The following WDFY4 variants were observed in gnomAD, a reference collection of about 807,000 sequenced individuals.
WDFY4 encodes the protein WD repeat- and FYVE domain-containing protein 4.
A neutral mutation model predicts 351.9 loss-of-function variants in WDFY4; 169 were observed. The ratio of observed to expected loss-of-function variants is 0.48; its 90% CI spans 0.42 to 0.55. WDFY4 has a LOEUF of 0.55. WDFY4 is among the 20% of genes least tolerant of loss of function. WDFY4 has a pLI of 0.00. For missense variants in WDFY4, 3,803 were observed against 3,935.6 expected (o/e 0.97, Z 0.90); for synonymous variants, 1,622 against 1,574.6 (o/e 1.03, Z -0.71).
At chr10:48,686,482 C>A (rs924430771) in intron 1 of WDFY4, among the ~76,000 whole-genome samples, 1 of 152,174 alleles carries the variant, frequency 6.6e-6, no homozygotes, top group Non-Finnish European at 1.5e-5. Context: ...CTTCCCTCTT[C>A]AGAAGCAGCA....
chr10:48,867,401 A>G, intron 40 of WDFY4, 59 bp downstream of exon 40: 1 of 1,191,586 alleles, frequency 8.4e-7, no homozygotes, highest in South Asian at 1.8e-5. Context: ...CTTGAACCTG[A>G]AAAATAATTG....
At chr10:48,742,832 A>C in intron 11 of WDFY4, 136 bp from the exon 12 acceptor site, 1 of 782,428 alleles carries the variant, frequency 1.3e-6, no homozygotes, top group Non-Finnish European at 2.0e-6. Flanking sequence ...AATGTTTCAG[A>C]GTGATCCTTC....
chr10:48,907,516 TTTA>T (rs1428708106), intron 47 of WDFY4, among the ~76,000 whole-genome samples: 1 of 152,328 alleles, frequency 6.6e-6, no homozygotes, highest in Admixed American at 6.5e-5. Context: ...ACATTTTCAG[TTTA>T]TTGTCTCCTT....
intron 39 of WDFY4, among the ~76,000 whole-genome samples, chr10:48,833,523 A>T (rs750667759): frequency 3.4e-4 from 51 of 152,182 alleles, no homozygotes; most frequent in Non-Finnish European, 6.0e-4. Context: ...CTCCATCAAG[A>T]TGGGGAAAAA....
At chr10:48,895,470 C>G (rs1220260089) in intron 44 of WDFY4, among the ~76,000 whole-genome samples, 8 of 152,208 alleles carry the variant, frequency 5.3e-5, no homozygotes, top group Non-Finnish European at 7.3e-5. Flanking sequence ...GGTTGGCACA[C>G]AGGCTTCTTG....
rs1316082280 is a variant in WDFY4 at position 48,803,320 on chromosome 10, G to A, written c.4445G>A (p.Ser1482Asn). ...AATACTGCAGACAATCTGGAGCTCA[G>A]CCTCTTTTCCCATCTTTTGGAAATC... ...WMNTADNLEL[S>N]LFSHLLEILQ... The change falls in exon 25 of 62, where the codon AGC becomes AAC. Residue 1482 changes from serine (S) to asparagine (N), a missense_variant. Around this residue, in one of 3 missense-constraint regions of WDFY4, gnomAD observed 3,054 missense variants for 3,148.6 expected, o/e 0.97. Transcript: ENST00000325239. The A allele has an allele frequency of 3.9e-6, 6 of 1,551,940 alleles. No individual in the cohort carries two copies. Among genetic ancestry groups the A allele is most frequent in the Admixed American group, 3.9e-5 (2 of 51,014 alleles).
chr10:48,913,355 T>C, intron 47 of WDFY4: 1 of 1,588,014 alleles, frequency 6.3e-7, no homozygotes, highest in Non-Finnish European at 8.6e-7. Context: ...CCTCCCTCTC[T>C]CTTTCCCTTC....
intron 60 of WDFY4, chr10:48,978,730 CG>C (rs1212849938): frequency 4.8e-6 from 1 of 207,986 alleles, no homozygotes; most frequent in East Asian, 1.0e-4. Flanking sequence ...GTCCAGTCCC[CG>C]CCCCCATCAT....
intron 32 of WDFY4, among the ~76,000 whole-genome samples, chr10:48,818,898 G>A (rs2067713407): frequency 6.6e-6 from 1 of 152,202 alleles, no homozygotes; most frequent in Non-Finnish European, 1.5e-5. Context: ...AGGCAGCCTG[G>A]CCAGGGAGAG....
Position 48,788,648 on chromosome 10 carries a change from G to A in WDFY4, c.3927G>A (p.Glu1309=), listed in dbSNP as rs1589613610. 1 of 1,551,702 alleles carries A rather than the reference G, an allele frequency of 6.4e-7. No individual in the cohort carries two copies. The highest frequency in any genetic ancestry group is 8.7e-7 in the Non-Finnish European group (1 of 1,146,974). ...SVADIRNAYN[E]VDSRLIAKEM... is the part of the protein sequence containing the mutation. ...CGGACATCAGAAATGCTTACAATGA[G>A]GTGGACAGCCGCCTGATCGCCAAAG... The change falls in exon 21 of 62, where the codon GAG becomes GAA. Residue 1309 remains glutamate, a synonymous_variant. Transcript: ENST00000325239.
intron 39 of WDFY4, among the ~76,000 whole-genome samples, chr10:48,840,562 C>G (rs1363971011): frequency 6.6e-6 from 1 of 152,018 alleles, no homozygotes; most frequent in African/African-American, 2.4e-5. Flanking sequence ...ATTGTGCAAG[C>G]AATTGACATT....
chr10:48,786,821 C>T lies in WDFY4; in HGVS notation c.3759C>T (p.Asn1253=). The T allele has an allele frequency of 6.4e-7, 1 of 1,552,240 alleles. No homozygotes were observed. The highest frequency in any genetic ancestry group is 8.7e-7 in the Non-Finnish European group (1 of 1,147,106). ...CAATGGAAACTCTGGAAGTTATTAA[C>T]AAACTTGGCCCAAGATATTGTGGTA... ...AISMETLEVI[N]KLGPRYCGNF... Residue 1253 remains asparagine (N), a synonymous_variant, in exon 20 of 62, where the codon AAC becomes AAT. Transcript: ENST00000325239.
rs537798650 is a variant in WDFY4, at chr10:48,951,637, C to T, written c.7977+4668C>T. ...ACAAAAACAAAGAAACAAAAAAAAG[C>T]ACACATTTTGTAAAGACGGGGTCTT... On this transcript the variant is annotated intron_variant, in intron 51 of 61. Transcript: ENST00000325239. 2.0e-5 allele frequency among the ~76,000 whole-genome samples: 3 copies of T among 152,262 alleles called. No homozygotes were observed. In the South Asian group the frequency reaches 6.2e-4, roughly 32 times the overall value.
chr10:48,969,500 A>G (rs1211573524), intron 56 of WDFY4, among the ~76,000 whole-genome samples: 1 of 152,150 alleles, frequency 6.6e-6, no homozygotes, highest in African/African-American at 2.4e-5. Flanking sequence ...GGCTAACTGG[A>G]CACATGGCCA....
intron 1 of WDFY4, among the ~76,000 whole-genome samples, chr10:48,700,539 A>G (rs1406557655): frequency 6.6e-6 from 1 of 152,248 alleles, no homozygotes; most frequent in Non-Finnish European, 1.5e-5. Flanking sequence ...AATCCCTCCA[A>G]TACAATGCCA....
chr10:48,863,194 A>G (rs149760845), intron 39 of WDFY4, among the ~76,000 whole-genome samples: 54 of 152,326 alleles, frequency 3.5e-4, no homozygotes, highest in Admixed American at 3.2e-3. Context: ...CACAATTTTT[A>G]TCTTGGGTGT....
chr10:48,970,412 A>C, intron 57 of WDFY4, 123 bp downstream of exon 57: 22 of 1,342,256 alleles, frequency 1.6e-5, no homozygotes, highest in Non-Finnish European at 2.2e-5. Context: ...AACTCTGCTC[A>C]CTGAGGGCCC....
rs139009229 is a variant in WDFY4 at position 48,977,081 on chromosome 10, G to T, written c.9291+102G>T. ...GGCCAAACCTGCAGGTTGCATTTGA[G>T]ACCATTCCAGAACGGGTACCTACAG... is the stretch of plus-strand genomic sequence containing the variant. On this transcript the variant is annotated intron_variant, in intron 59 of 61. Transcript: ENST00000325239. 6.3e-5 allele frequency: 76 copies of T among 1,215,852 alleles called. No homozygotes were observed. In the East Asian group the frequency reaches 2.2e-3, roughly 36 times the overall value. 75.3% of individuals were successfully genotyped at this position (1,215,852 alleles called of 1,614,324 possible). A position where few individuals can be genotyped will look rare whatever the true frequency, so the allele number is the denominator to read the frequency against.
chr10:48,824,653 A>G (rs7918931), intron 35 of WDFY4, among the ~76,000 whole-genome samples: 50,796 of 151,678 alleles, frequency 0.33, 10,067 homozygotes, highest in African/African-American at 0.55. Context: ...TTTTTTTTAA[A>G]AGACAAAGTT....
Sources: allele counts gnomAD v4.1 joint callset (sites outside exome capture counted in the v4.1 genomes callset), GRCh38; gene constraint gnomAD v4.1.1; regional missense constraint gnomAD v4.1.1; transcripts MANE v1.5; gene names NCBI Gene and HGNC (gene_info 2026-07-23, HGNC 2026-07-21).